POLR2F: variants seen among roughly 807,000 people sequenced by gnomAD.
POLR2F encodes the protein DNA-directed RNA polymerases I, II, and III subunit RPABC2.
A neutral mutation model predicts 22.7 loss-of-function variants in POLR2F; 12 were observed. The observed-to-expected ratio is 0.53, with a 90% CI of 0.34 to 0.86. The LOEUF (loss-of-function observed/expected upper bound fraction) is 0.86, where lower values mean the gene tolerates loss of function less well. POLR2F is among the 40% of genes least tolerant of loss of function. The pLI, the probability that POLR2F is intolerant of heterozygous loss-of-function variation, is 0.02. For synonymous variants in POLR2F, 57 were observed against 66.0 expected, an observed-to-expected ratio of 0.86 and a Z score of 0.66; for missense variants, 126 against 171.5, an observed-to-expected ratio of 0.73 and a Z score of 1.48.
chr22:37,992,986 T>C (rs1443052867), intron 1 of POLR2F, among the ~76,000 whole-genome samples: 1 of 152,138 alleles, frequency 6.6e-6, no homozygotes, highest in Non-Finnish European at 1.5e-5. Context: ...GCCCCTTGTC[T>C]TTAGGGAGCT....
chr22:37,953,729 C>T lies in POLR2F; in HGVS notation c.-59C>T. 3 of 1,585,286 alleles carry T rather than the reference C, an allele frequency of 1.9e-6. No individual in the cohort carries two copies. The highest frequency in any genetic ancestry group is 2.6e-6 in the Non-Finnish European group (3 of 1,169,628). ...AGGAGCCGCGCGAGTCGTAGTGTCGCTGTTTGCGGGTCTCCGCGCGGGACC... is the reference window on the plus strand; with the variant it reads ...AGGAGCCGCGCGAGTCGTAGTGTCGTTGTTTGCGGGTCTCCGCGCGGGACC... On this transcript the variant is annotated 5_prime_UTR_variant, in exon 1 of 5. Transcript: ENST00000442738.
chr22:37,995,203 C>T (rs9622718), intron 1 of POLR2F, among the ~76,000 whole-genome samples: 8 of 152,218 alleles, frequency 5.3e-5, no homozygotes, highest in Non-Finnish European at 1.0e-4. Context: ...CTTTAGGGCT[C>T]TACTGAGACA....
chr22:37,963,060 C>T (rs1931712350), intron 3 of POLR2F, among the ~76,000 whole-genome samples: 1 of 151,792 alleles, frequency 6.6e-6, no homozygotes, highest in Admixed American at 6.6e-5. Context: ...GATCTTGGCT[C>T]ACTGCATCCT....
intron 2 of POLR2F, chr22:37,958,597 T>G (rs891155400): frequency 2.0e-5 from 3 of 152,212 alleles, no homozygotes; most frequent in Non-Finnish European, 4.4e-5. Flanking sequence ...TCCAAACCTC[T>G]TTCTCCTCTA....
chr22:38,005,726 C>T (rs764084801), intron 1 of POLR2F, among the ~76,000 whole-genome samples: 18 of 152,188 alleles, frequency 1.2e-4, no homozygotes, highest in Non-Finnish European at 1.8e-4. Context: ...ACCCTCTGAG[C>T]GAGGTCTGCA....
At chr22:38,037,115 T>C (rs530217902) in intron 5 of POLR2F, among the ~76,000 whole-genome samples, 5 of 152,150 alleles carry the variant, frequency 3.3e-5, no homozygotes, top group Non-Finnish European at 7.3e-5. Context: ...GAGAGGAGAA[T>C]ATCTGCTCCG....
chr22:37,966,967 T>C, intron 3 of POLR2F, 132 bp from the exon 4 acceptor site: 1 of 648,986 alleles, frequency 1.5e-6, no homozygotes, highest in Non-Finnish European at 2.7e-6. Flanking sequence ...TACACACCAC[T>C]CCCTACTGTG....
intron 1 of POLR2F, among the ~76,000 whole-genome samples, chr22:37,992,689 G>A (rs929459930): frequency 3.3e-5 from 5 of 152,110 alleles, no homozygotes; most frequent in East Asian, 1.9e-4. Flanking sequence ...GTGAGCCACC[G>A]TGCCCGCCCC....
chr22:38,027,202 C>T (rs540617820), downstream of POLR2F, among the ~76,000 whole-genome samples: 6 of 152,298 alleles, frequency 3.9e-5, no homozygotes, highest in Admixed American at 6.5e-5. Context: ...ATTCATTCAT[C>T]AACTAGTCTC....
chr22:38,027,475 T>G (rs956041692), downstream of POLR2F, among the ~76,000 whole-genome samples: 1 of 152,078 alleles, frequency 6.6e-6, no homozygotes, highest in African/African-American at 2.4e-5. Context: ...ATGTCCTCCT[T>G]GGCCACAGTT....
At chr22:37,981,501 C>T (rs1932394945), upstream of POLR2F, among the ~76,000 whole-genome samples, 1 of 152,214 alleles carries the variant, frequency 6.6e-6, no homozygotes, top group African/African-American at 2.4e-5. Context: ...GAAGGGAGTC[C>T]AAGCCCAGGG....
intron 5 of POLR2F, among the ~76,000 whole-genome samples, chr22:38,036,889 G>A (rs1209330940): frequency 1.3e-5 from 2 of 152,032 alleles, no homozygotes; most frequent in Admixed American, 6.6e-5. Context: ...TGTTGCCACC[G>A]GCTGGAACAT....
intron 5 of POLR2F, among the ~76,000 whole-genome samples, chr22:38,033,642 G>A (rs1011573744): frequency 6.6e-5 from 10 of 152,254 alleles, no homozygotes; most frequent in Middle Eastern, 3.2e-3. Context: ...ATCTGGCCCC[G>A]GCGGAGCGGG....
chr22:38,009,682 C>G lies in POLR2F; in HGVS notation c.121-16187C>G, dbSNP rs185839845. ...CCCCTTTGTCATCCCTCCCTTCACC[C>G]CACCCTCTCCCTAGGCAACCACGTG... On this transcript the variant is annotated intron_variant, in intron 1 of 2. Transcript: ENST00000333418. Among the ~76,000 whole-genome samples the G allele has an allele frequency of 2.4e-3, 371 of 152,182 alleles. 1 individual carries two copies. Among genetic ancestry groups the G allele is most frequent in the African/African-American group, 8.5e-3 (352 of 41,516 alleles).
chr22:37,962,307 A>AG (rs1006499457), intron 3 of POLR2F, among the ~76,000 whole-genome samples: 50 of 152,188 alleles, frequency 3.3e-4, no homozygotes, highest in African/African-American at 1.2e-3. Flanking sequence ...TTACAGGGGC[A>AG]GCAAATGCTG....
chr22:37,987,126 G>A lies in POLR2F; in HGVS notation c.120+814G>A, dbSNP rs916224876. 8.8e-6 allele frequency: 4 copies of A among 456,624 alleles called. No homozygotes were observed. In the Admixed American group the frequency reaches 9.4e-5, roughly 11 times the overall value. 28.3% of individuals were successfully genotyped at this position (456,624 alleles called of 1,614,324 possible). On this transcript the variant is annotated intron_variant, in intron 1 of 2. Coordinates refer to the POLR2F transcript ENST00000333418. ...CGTCCATGGCAAGGTGTGGTGTCTG[G>A]TAGGCTCTATGACCTGCCTTCTCTC...
chr22:38,033,825 G>A (rs2085089230), intron 5 of POLR2F, among the ~76,000 whole-genome samples: 1 of 152,216 alleles, frequency 6.6e-6, no homozygotes, highest in South Asian at 2.1e-4. Context: ...CCGTGGAAGG[G>A]CCTCGAGGCT....
At chr22:37,990,871 G>C (rs1331208745) in intron 1 of POLR2F, among the ~76,000 whole-genome samples, 1 of 152,264 alleles carries the variant, frequency 6.6e-6, no homozygotes, top group Non-Finnish European at 1.5e-5. Context: ...GCCCGTGCCT[G>C]ATCCAGTGTT....
upstream of POLR2F, chr22:37,983,234 G>T: frequency 8.4e-7 from 1 of 1,188,464 alleles, no homozygotes; most frequent in Non-Finnish European, 1.2e-6. The surrounding 1 kb of genome is among the most constrained non-coding windows in gnomAD (Gnocchi z 9.5). Flanking sequence ...TGGTCTTCCA[G>T]CCCTATCCAA....
Sources: allele counts gnomAD v4.1 joint callset (sites outside exome capture counted in the v4.1 genomes callset), GRCh38; gene constraint gnomAD v4.1.1; non-coding constraint Gnocchi (gnomAD v3.1); transcripts MANE v1.5; gene names NCBI Gene and HGNC (gene_info 2026-07-23, HGNC 2026-07-21).